PKD2L2: variants seen among roughly 807,000 people sequenced by gnomAD.
PKD2L2 encodes polycystin-2-like protein 2.
Under a neutral mutation model 83.9 loss-of-function variants are expected in PKD2L2, and 67 were observed. That is an observed-to-expected ratio of 0.80 (90% CI 0.66 to 0.98). The LOEUF (loss-of-function observed/expected upper bound fraction) is 0.98. Ranked by LOEUF, PKD2L2 falls within the 50% of genes least tolerant of loss-of-function variation. The pLI, the probability that PKD2L2 is intolerant of heterozygous loss-of-function variation, is 0.00. For synonymous variants in PKD2L2, 223 were observed against 237.8 expected (o/e 0.94, Z 0.57); for missense variants, 632 against 717.2 (o/e 0.88, Z 1.36).
At chr5:137,908,643 A>T in intron 7 of PKD2L2, 122 bp from the exon 8 acceptor site, 1 of 581,466 alleles carries the variant, frequency 1.7e-6, no homozygotes, top group Non-Finnish European at 2.9e-6. Context: ...AAATCCTCAA[A>T]CACCCATGAT....
intron 8 of PKD2L2, among the ~76,000 whole-genome samples, chr5:137,919,621 T>C (rs1758706375): frequency 1.3e-5 from 2 of 152,166 alleles, no homozygotes; most frequent in African/African-American, 2.4e-5. Flanking sequence ...GGTGAGACTT[T>C]CCACCAATTC....
intron 14 of PKD2L2, chr5:137,938,171 C>T (rs1027337625): frequency 1.3e-5 from 2 of 152,546 alleles, no homozygotes; most frequent in African/African-American, 4.8e-5. Flanking sequence ...AGCATAAGTG[C>T]TGCCATGCCA....
intron 8 of PKD2L2, among the ~76,000 whole-genome samples, chr5:137,917,162 CTTTTTTTTTTTT>C (rs34636933): frequency 7.9e-6 from 1 of 127,206 alleles, no homozygotes; most frequent in Non-Finnish European, 1.6e-5. Context: ...GTTCACTTTT[CTTTTTTTTTTTT>C]TTTTTGAGAT....
chr5:137,895,876 T>TC (rs1424539815), intron 4 of PKD2L2, among the ~76,000 whole-genome samples: 58 of 108,660 alleles, frequency 5.3e-4, no homozygotes, highest in Non-Finnish European at 1.1e-4. Flanking sequence ...AGACACAGTC[T>TC]CAAAAAAAAA....
intron 8 of PKD2L2, among the ~76,000 whole-genome samples, chr5:137,911,828 C>A (rs1422451386): frequency 3.3e-5 from 5 of 152,188 alleles, no homozygotes; most frequent in African/African-American, 7.2e-5. Flanking sequence ...CCTCTCCAAC[C>A]CTTAGCAATT....
intron 12 of PKD2L2, among the ~76,000 whole-genome samples, chr5:137,930,192 T>A (rs1412469655): frequency 1.3e-5 from 2 of 152,150 alleles, no homozygotes; most frequent in South Asian, 2.1e-4. Flanking sequence ...CCCTCCTTTT[T>A]AAAAACTCAT....
At chr5:137,940,374 T>C (rs1761276977) in intron 14 of PKD2L2, 1 of 1,551,374 alleles carries the variant, frequency 6.4e-7, no homozygotes, top group Non-Finnish European at 8.8e-7. Context: ...AAATTTGTAA[T>C]GTTCTAGAGA....
chr5:137,918,955 TGTGTGTGTGTGTGA>T (rs1423410189), intron 8 of PKD2L2, among the ~76,000 whole-genome samples: 1 of 148,300 alleles, frequency 6.7e-6, no homozygotes, highest in Admixed American at 6.8e-5. Context: ...TGTGTGTGTG[TGTGTGTGTGTGTGA>T]GTGTGTGTGT....
In PKD2L2 at chr5:137,889,482, C is replaced by T. The variant is rs376795823; in HGVS notation, c.-10C>T. The T allele has an allele frequency of 4.3e-5, 67 of 1,573,852 alleles. No individual in the cohort carries two copies. The highest frequency in any genetic ancestry group is 4.2e-4 in the South Asian group (37 of 87,208). ...AGGCGAACGAACGGGCGGTGTAGTG[C>T]AGGTCCGCCATGGCTGAGGCGTCAC... On this transcript the variant is annotated 5_prime_UTR_variant, in exon 1 of 15. Coordinates refer to ENST00000508883, the MANE Select transcript of PKD2L2 (RefSeq NM_001300921.2).
chr5:137,918,754 C>T (rs1222145515), intron 8 of PKD2L2, among the ~76,000 whole-genome samples: 1 of 152,094 alleles, frequency 6.6e-6, no homozygotes, highest in Admixed American at 6.5e-5. Context: ...CAAAGTAGTA[C>T]ATCTGACAGA....
chr5:137,908,620 A>G, intron 7 of PKD2L2, 145 bp from the exon 8 acceptor site: 1 of 537,888 alleles, frequency 1.9e-6, no homozygotes, highest in Non-Finnish European at 3.2e-6. Context: ...TTGGCCTTGT[A>G]ATGATTGCTG....
At chr5:137,895,160 G>A (rs943559084) in intron 4 of PKD2L2, among the ~76,000 whole-genome samples, 3 of 149,358 alleles carry the variant, frequency 2.0e-5, no homozygotes, top group Non-Finnish European at 3.0e-5. Context: ...GTGTAGACTC[G>A]TGTACACTTT....
intron 14 of PKD2L2, chr5:137,942,069 T>C: frequency 6.4e-7 from 1 of 1,555,818 alleles, no homozygotes; most frequent in East Asian, 2.2e-5. Flanking sequence ...GGTAAAATAC[T>C]GAAGGGCACA....
At chr5:137,907,609 A>G in intron 6 of PKD2L2, 133 bp from the exon 7 acceptor site, 1 of 449,122 alleles carries the variant, frequency 2.2e-6, no homozygotes, top group Admixed American at 4.2e-5. Flanking sequence ...CATTTATGTA[A>G]AAGCATATGT....
intron 12 of PKD2L2, among the ~76,000 whole-genome samples, chr5:137,930,664 T>TAAAAAAAAAAAAAAA (rs554720958): frequency 1.2e-5 from 1 of 84,694 alleles, no homozygotes; most frequent in Non-Finnish European, 2.4e-5. Flanking sequence ...AGACTCCATC[T>TAAAAAAAAAAAAAAA]AAAAAAAAAA....
intron 14 of PKD2L2, chr5:137,941,971 T>A: frequency 6.2e-7 from 1 of 1,614,106 alleles, no homozygotes; most frequent in Non-Finnish European, 8.5e-7. Context: ...AAATGCTTCT[T>A]CAAATTCCCG....
chr5:137,927,478 C>A (rs1242341040), intron 12 of PKD2L2, among the ~76,000 whole-genome samples: 1 of 152,142 alleles, frequency 6.6e-6, no homozygotes, highest in Non-Finnish European at 1.5e-5. Flanking sequence ...AAATACAATA[C>A]ATAATCATGG....
intron 8 of PKD2L2, among the ~76,000 whole-genome samples, chr5:137,916,198 C>T (rs375340134): frequency 2.0e-4 from 30 of 151,070 alleles, no homozygotes; most frequent in East Asian, 1.6e-3. Context: ...TTTTTTGAGA[C>T]GGAGTCTCAC....
At chr5:137,929,163 A>G (rs1324244789) in intron 12 of PKD2L2, among the ~76,000 whole-genome samples, 1 of 152,166 alleles carries the variant, frequency 6.6e-6, no homozygotes, top group Non-Finnish European at 1.5e-5. Context: ...AGGGTATATA[A>G]AAAGATACAC....
Sources: gnomAD v4.1 joint callset for allele counts (sites outside exome capture counted in the v4.1 genomes callset) on GRCh38, gnomAD v4.1.1 for gene constraint, MANE v1.5 for transcripts, NCBI Gene and HGNC (gene_info 2026-07-23, HGNC 2026-07-21) for gene names.